The following PARP8 variants were observed in gnomAD, a reference collection of about 807,000 sequenced individuals.
The protein encoded by PARP8 is protein mono-ADP-ribosyltransferase PARP8.
In PARP8, 51 loss-of-function variants were observed where a neutral mutation model predicts 124.1. The observed-to-expected ratio is 0.41, with a 90% confidence interval of 0.33 to 0.52. The LOEUF (loss-of-function observed/expected upper bound fraction) is 0.52. Ranked by LOEUF, PARP8 falls within the 20% of genes least tolerant of loss-of-function variation. PARP8 has a pLI of 0.21. For synonymous variants in PARP8, 391 were observed against 361.5 expected, an observed-to-expected ratio of 1.08 and a Z score of -0.93; for missense variants, 860 against 1,018.9, an observed-to-expected ratio of 0.84 and a Z score of 2.12.
chr5:50,773,060 T>C (rs540568612), intron 7 of PARP8, among the ~76,000 whole-genome samples: 1 of 152,326 alleles, frequency 6.6e-6, no homozygotes, highest in Admixed American at 6.5e-5. Flanking sequence ...TCTTGAACTG[T>C]TTGAGTTCCT....
Position 50,714,072 on chromosome 5 carries a change from TTTTC to T in PARP8, c.147-36067_147-36064del, listed in dbSNP as rs535488020. ...TAAGCCACTGATGATTTTTCTTTTC[TTTTC>T]TTTCTTTCTTTTTTTTTTTTTTTCC... is the stretch of plus-strand genomic sequence containing the variant. On this transcript the variant is annotated intron_variant, in intron 2 of 25. Transcript: ENST00000281631. Among the ~76,000 whole-genome samples the T allele has an allele frequency of 7.5e-3, 1,140 of 151,594 alleles. 10 individuals carry two copies. Among genetic ancestry groups the T allele is most frequent in the Middle Eastern group, 0.017 (5 of 294 alleles).
intron 10 of PARP8, among the ~76,000 whole-genome samples, chr5:50,792,529 G>T (rs559611834): frequency 6.6e-6 from 1 of 151,514 alleles, no homozygotes; most frequent in East Asian, 1.9e-4. Flanking sequence ...AGCACTTGCC[G>T]TCTTTCTTAA....
intron 7 of PARP8, among the ~76,000 whole-genome samples, chr5:50,767,269 C>T (rs1242950913): frequency 6.6e-6 from 1 of 152,184 alleles, no homozygotes; most frequent in Non-Finnish European, 1.5e-5. Flanking sequence ...CCTCAGCCTA[C>T]ATAGATGTAT....
chr5:50,706,302 T>G (rs1452293767), intron 2 of PARP8, among the ~76,000 whole-genome samples: 1 of 152,136 alleles, frequency 6.6e-6, no homozygotes, highest in Admixed American at 6.6e-5. Flanking sequence ...TTATTGAGTT[T>G]TAAATATTTT....
intron 2 of PARP8, among the ~76,000 whole-genome samples, chr5:50,719,332 A>G (rs564337467): frequency 6.1e-4 from 92 of 151,256 alleles, no homozygotes; most frequent in African/African-American, 2.2e-3. Context: ...GTAGCTTGAT[A>G]TAATCCCATT....
chr5:50,666,804 G>T lies in PARP8; in HGVS notation c.-292G>T. ...CGGGTGAGGGAGAAAGTGAGACTTG[G>T]TGTCATCACCATCCATTGTCAGAAG... On this transcript the variant is annotated 5_prime_UTR_variant, in exon 1 of 26. Transcript: ENST00000281631. 6 of 1,150,830 alleles carry T rather than the reference G, an allele frequency of 5.2e-6. No homozygotes were observed. The highest frequency in any genetic ancestry group is 6.7e-6 in the Non-Finnish European group (6 of 899,632). The allele number at this position is 1,150,830 out of a possible 1,614,324, so 71.3% of individuals were successfully genotyped here.
intron 14 of PARP8, among the ~76,000 whole-genome samples, chr5:50,813,626 T>A (rs899814949): frequency 3.5e-4 from 53 of 152,170 alleles, no homozygotes; most frequent in Admixed American, 2.0e-4. Flanking sequence ...CTTCCAACAC[T>A]ATGTTAAATA....
intron 14 of PARP8, among the ~76,000 whole-genome samples, chr5:50,807,778 C>T (rs936287454): frequency 1.3e-5 from 2 of 151,990 alleles, no homozygotes; most frequent in South Asian, 2.1e-4. Flanking sequence ...TTCTATGTGT[C>T]CTTGACTAAT....
chr5:50,726,130 T>C (rs1391685366), intron 2 of PARP8, among the ~76,000 whole-genome samples: 1 of 152,104 alleles, frequency 6.6e-6, no homozygotes, highest in African/African-American at 2.4e-5. Flanking sequence ...TTTTAAATTT[T>C]TTATTTTTTT....
In PARP8 at chr5:50,679,073, T is replaced by C. The variant is rs1750982203; in HGVS notation, c.146+10948T>C. Among the ~76,000 whole-genome samples the C allele has an allele frequency of 2.6e-5, 4 of 152,212 alleles. No individual in the cohort carries two copies. The South Asian group carries it at 6.2e-4, about 24-fold the overall frequency. ...TAAAAAACTACACTGGTTTTCTGCC[T>C]GTGGAGAAGCCACCTTTTTATTCCT... On this transcript the variant is annotated intron_variant, in intron 2 of 25. Transcript: ENST00000281631.
intron 2 of PARP8, among the ~76,000 whole-genome samples, chr5:50,670,638 A>G (rs1749903018): frequency 6.6e-6 from 1 of 152,168 alleles, no homozygotes; most frequent in Non-Finnish European, 1.5e-5. Flanking sequence ...TGTGGACTTG[A>G]GGTGGAAAGG....
intron 2 of PARP8, among the ~76,000 whole-genome samples, chr5:50,698,111 G>T (rs1174487070): frequency 2.0e-5 from 3 of 152,180 alleles, no homozygotes; most frequent in Non-Finnish European, 2.9e-5. Context: ...CCTTCATGAA[G>T]ACTTTTGGTG....
chr5:50,732,079 G>T (rs989834436), intron 2 of PARP8, among the ~76,000 whole-genome samples: 1 of 151,962 alleles, frequency 6.6e-6, no homozygotes, highest in Non-Finnish European at 1.5e-5. Flanking sequence ...AGGCCACCAG[G>T]GTTTCATATC....
intron 10 of PARP8, among the ~76,000 whole-genome samples, chr5:50,791,298 A>G (rs1008925830): frequency 1.3e-5 from 2 of 152,164 alleles, no homozygotes; most frequent in African/African-American, 4.8e-5. Context: ...AATCTTTACA[A>G]CAACTCTATG....
At chr5:50,718,054 A>C (rs775399306) in intron 2 of PARP8, among the ~76,000 whole-genome samples, 4 of 152,040 alleles carry the variant, frequency 2.6e-5, no homozygotes, top group Non-Finnish European at 4.4e-5. Flanking sequence ...AAATTATACT[A>C]GGTTATATCA....
At chr5:50,743,082 G>C (rs916314456) in intron 2 of PARP8, among the ~76,000 whole-genome samples, 100 of 152,254 alleles carry the variant, frequency 6.6e-4, no homozygotes, top group African/African-American at 2.3e-3. Context: ...ATTTTAGAAG[G>C]GGAGCCATTC....
intron 14 of PARP8, among the ~76,000 whole-genome samples, chr5:50,798,189 A>G (rs1394101157): frequency 6.6e-6 from 1 of 152,094 alleles, no homozygotes; most frequent in East Asian, 1.9e-4. Flanking sequence ...CATATACCAC[A>G]TTTGTTTATC....
At chr5:50,824,287 C>G (rs1439605229) in intron 17 of PARP8, among the ~76,000 whole-genome samples, 1 of 152,086 alleles carries the variant, frequency 6.6e-6, no homozygotes, top group Admixed American at 6.6e-5. Context: ...GAAAGAGAAA[C>G]TTTACAGGAC....
intron 2 of PARP8, among the ~76,000 whole-genome samples, chr5:50,699,809 ATGGACCATATTT>A (rs1753396897): frequency 1.3e-5 from 2 of 152,100 alleles, no homozygotes; most frequent in Admixed American, 1.3e-4. Flanking sequence ...CTGCGGGACT[ATGGACCATATTT>A]TGAGTATCAG....
Sources: allele counts gnomAD v4.1 joint callset (sites outside exome capture counted in the v4.1 genomes callset), GRCh38; gene constraint gnomAD v4.1.1; transcripts MANE v1.5; gene names NCBI Gene and HGNC (gene_info 2026-07-23, HGNC 2026-07-21).